The following ZDHHC15 variants were observed in gnomAD, a reference collection of about 807,000 sequenced individuals.
ZDHHC15 encodes zDHHC palmitoyltransferase 15, also known as palmitoyltransferase ZDHHC15.
Under a neutral mutation model 31.7 loss-of-function variants are expected in ZDHHC15, and 19 were observed. That is an observed-to-expected ratio of 0.60 (90% confidence interval 0.42 to 0.88). ZDHHC15 has a LOEUF of 0.88. ZDHHC15 is among the 40% of genes least tolerant of loss of function. The pLI, the probability that ZDHHC15 is intolerant of heterozygous loss-of-function variation, is 0.00. For missense variants in ZDHHC15, 209 were observed against 251.2 expected (o/e 0.83, Z 1.14); for synonymous variants, 103 against 90.0 (o/e 1.14, Z -0.82).
intron 2 of ZDHHC15, among the ~76,000 whole-genome samples, chrX:75,499,371 C>G (rs1049301812): frequency 8.9e-6 from 1 of 111,757 alleles, no homozygotes; most frequent in Non-Finnish European, 1.9e-5. Context: ...TATTCTTAAA[C>G]TATGCATCTG....
chrX:75,517,592 TGGGGGGA>T (rs2085378215), intron 1 of ZDHHC15, among the ~76,000 whole-genome samples: 1 of 16,297 alleles, frequency 6.1e-5, no homozygotes, highest in African/African-American at 2.7e-4. Flanking sequence ...TGTCGTGGGG[TGGGGGGA>T]GGGGGGAGGG....
rs2084599116 is a variant in ZDHHC15 at position 75,476,055 on chromosome X, G to A, written c.258+2836C>T. On this transcript the variant is annotated intron_variant, in intron 3 of 11. Transcript: ENST00000373367. ...AAAACATAATTGGTTTTTGCGTGAT[G>A]TGGTGATTTTGTATCCTGCAACTTT... is the stretch of plus-strand genomic sequence containing the variant. Among the ~76,000 whole-genome samples the A allele has an allele frequency of 4.5e-5, 5 of 111,114 alleles. No individual in the cohort carries two copies. The South Asian group carries it at 1.9e-3, about 42-fold the overall frequency.
intron 4 of ZDHHC15, among the ~76,000 whole-genome samples, chrX:75,447,983 G>A (rs1424036680): frequency 9.0e-6 from 1 of 110,918 alleles, no homozygotes; most frequent in African/African-American, 3.3e-5. Flanking sequence ...AAAGGTAATG[G>A]TGAGTGGTGC....
At chrX:75,373,436 T>C (rs1419549353) in intron 11 of ZDHHC15, among the ~76,000 whole-genome samples, 1 of 111,126 alleles carries the variant, frequency 9.0e-6, no homozygotes, top group Non-Finnish European at 1.9e-5. Context: ...AATATAATCT[T>C]CCTGAAACAA....
At chrX:75,474,039 A>T (rs1295009135) in intron 3 of ZDHHC15, among the ~76,000 whole-genome samples, 2 of 111,065 alleles carry the variant, frequency 1.8e-5, no homozygotes, top group East Asian at 5.7e-4. Context: ...TCAACTTGAC[A>T]AGGGTGGACT....
Position 75,479,987 on chromosome X carries a change from C to T in ZDHHC15, c.164-1002G>A, listed in dbSNP as rs73625847. ...CCTTTTAGATAGCTCTTCTCATATG[C>T]GATATTTTGGTATTCTCCACAGAGG... is the stretch of plus-strand genomic sequence containing the variant. On this transcript the variant is annotated intron_variant, in intron 2 of 11. Transcript: ENST00000373367. Among the ~76,000 whole-genome samples the T allele has an allele frequency of 3.5e-3, 387 of 111,132 alleles. 4 individuals carry two copies. The highest frequency in any genetic ancestry group is 0.012 in the African/African-American group (369 of 30,606).
At chrX:75,507,396 T>C (rs1202753227) in intron 1 of ZDHHC15, among the ~76,000 whole-genome samples, 1 of 110,687 alleles carries the variant, frequency 9.0e-6, no homozygotes. Context: ...GGAAATTACA[T>C]ACTTTTGAGG....
At chrX:75,468,463 A>G (rs908300479) in intron 3 of ZDHHC15, among the ~76,000 whole-genome samples, 1 of 112,142 alleles carries the variant, frequency 8.9e-6, no homozygotes, top group Non-Finnish European at 1.9e-5. Flanking sequence ...TTATCCATTT[A>G]TTCACTGATG....
At chrX:75,398,284 G>A (rs3886005) in intron 10 of ZDHHC15, among the ~76,000 whole-genome samples, 1,821 of 112,126 alleles carry the variant, frequency 0.016, 19 homozygotes, top group Non-Finnish European at 0.024. Context: ...AGCTGACCTG[G>A]GGCAAAAGGG....
intron 3 of ZDHHC15, among the ~76,000 whole-genome samples, chrX:75,464,150 C>G (rs2084365900): frequency 9.0e-6 from 1 of 111,175 alleles, no homozygotes; most frequent in South Asian, 3.8e-4. Flanking sequence ...ACGGATGAAG[C>G]TGGAAACCAT....
chrX:75,448,651 C>T (rs2084066748), intron 4 of ZDHHC15, among the ~76,000 whole-genome samples: 1 of 111,299 alleles, frequency 9.0e-6, no homozygotes, highest in Non-Finnish European at 1.9e-5. Flanking sequence ...AGTGCGTTTT[C>T]AGTTGAATGC....
At chrX:75,463,431 A>C (rs2084351527) in intron 3 of ZDHHC15, among the ~76,000 whole-genome samples, 1 of 111,264 alleles carries the variant, frequency 9.0e-6, no homozygotes, top group Non-Finnish European at 1.9e-5. Flanking sequence ...TTGATACCAA[A>C]ACCTGGAAGA....
intron 4 of ZDHHC15, among the ~76,000 whole-genome samples, chrX:75,448,549 T>C (rs1276809134): frequency 2.7e-5 from 3 of 112,184 alleles, no homozygotes; most frequent in African/African-American, 6.5e-5. Flanking sequence ...AGTGTTGTTA[T>C]TTTATATCAT....
At chrX:75,445,384 C>T (rs961636527) in intron 4 of ZDHHC15, among the ~76,000 whole-genome samples, 1 of 111,724 alleles carries the variant, frequency 9.0e-6, no homozygotes, top group African/African-American at 3.3e-5. Context: ...TCAATAGATG[C>T]TCTTAGTCAA....
At chrX:75,434,124 C>A (rs2083819149) in intron 4 of ZDHHC15, among the ~76,000 whole-genome samples, 1 of 111,665 alleles carries the variant, frequency 9.0e-6, no homozygotes, top group Admixed American at 9.5e-5. Context: ...CGTTTGTTGG[C>A]CATTTGTATA....
At chrX:75,466,512 G>T (rs763408370) in intron 3 of ZDHHC15, among the ~76,000 whole-genome samples, 7 of 110,966 alleles carry the variant, frequency 6.3e-5, no homozygotes, top group South Asian at 3.8e-4. Context: ...CCTGAGGCCT[G>T]CCCAGCCATG....
chrX:75,397,401 A>G (rs970510584), intron 10 of ZDHHC15, among the ~76,000 whole-genome samples: 1 of 111,697 alleles, frequency 9.0e-6, no homozygotes, highest in African/African-American at 3.3e-5. Flanking sequence ...ACTGTTTGTA[A>G]CAGAAATAAA....
intron 9 of ZDHHC15, among the ~76,000 whole-genome samples, chrX:75,421,047 A>C (rs968159924): frequency 9.1e-6 from 1 of 109,437 alleles, no homozygotes; most frequent in African/African-American, 3.3e-5. Flanking sequence ...CAAAATATAT[A>C]AAATGGAGAA....
At chrX:75,456,497 T>C (rs955125285) in intron 3 of ZDHHC15, among the ~76,000 whole-genome samples, 1 of 110,393 alleles carries the variant, frequency 9.1e-6, no homozygotes, top group Non-Finnish European at 1.9e-5. Context: ...GAACTTAAAG[T>C]ATAATAATCA....
Sources: gnomAD v4.1 joint callset for allele counts (sites outside exome capture counted in the v4.1 genomes callset) on GRCh38, gnomAD v4.1.1 for gene constraint, MANE v1.5 for transcripts, NCBI Gene and HGNC (gene_info 2026-07-23, HGNC 2026-07-21) for gene names.